CYP4V2: variants seen among roughly 807,000 people sequenced by gnomAD.
CYP4V2 encodes the protein cytochrome P450 family 4 subfamily V member 2, also known as cytochrome P450 4V2.
Under a neutral mutation model 60.8 loss-of-function variants are expected in CYP4V2, and 55 were observed. That is an observed-to-expected ratio of 0.90 (90% confidence interval 0.73 to 1.13). CYP4V2 has a LOEUF of 1.13. Ranked by LOEUF, CYP4V2 falls within the 50% of genes most tolerant of loss-of-function variation. The probability of loss-of-function intolerance (pLI) is 0.00; values close to 1 mark genes in which losing one functional copy is unlikely to be tolerated. For missense variants in CYP4V2, 675 were observed against 662.9 expected (o/e 1.02, Z -0.20); for synonymous variants, 239 against 236.8 (o/e 1.01, Z -0.08).
At chr4:186,204,893 T>C in intron 7 of CYP4V2, 1 of 425,120 alleles carries the variant, frequency 2.4e-6, no homozygotes, top group Non-Finnish European at 4.4e-6. Context: ...CAGACTTTGT[T>C]CTGTTCACAA....
Position 186,191,860 on chromosome 4 carries a change from C to T in CYP4V2, c.37C>T (p.Leu13=), listed in dbSNP as rs765537555. The change falls in exon 1 of 11, where the codon CTG becomes TTG. Residue 13 remains leucine, a synonymous_variant. Transcript: ENST00000378802. ...CTGGCTGGGGCTCGTGTGGCAGAAG[C>T]TGCTGCTGTGGGGCGCGGCGAGTGC... ...GLWLGLVWQK[L]LLWGAASALS... 1.9e-6 allele frequency: 3 copies of T among 1,583,418 alleles called. No individual in the cohort carries two copies. The highest frequency in any genetic ancestry group is 1.1e-5 in the South Asian group (1 of 87,942).
chr4:186,205,127 AAG>A, intron 7 of CYP4V2, 71 bp from the exon 8 acceptor site: 1 of 1,386,130 alleles, frequency 7.2e-7, no homozygotes, highest in Non-Finnish European at 1.0e-6. Flanking sequence ...GACAATTCAA[AAG>A]AGGTTTCTGG....
chr4:186,199,037 G>A lies in CYP4V2; in HGVS notation c.755G>A (p.Trp252Ter). The A allele has an allele frequency of 6.2e-7, 1 of 1,614,062 alleles. No individual in the cohort carries two copies. Among genetic ancestry groups the A allele is most frequent in the African/African-American group, 1.3e-5 (1 of 75,042 alleles). Residue 252 changes from tryptophan to a stop codon, truncating the protein, a stop_gained, in exon 6 of 11, where the codon TGG (tryptophan) becomes TAG (stop). Coordinates refer to ENST00000378802, the MANE Select transcript of CYP4V2 (RefSeq NM_207352.4). LOFTEE classifies it high-confidence loss of function. ...TGGTACCTTATGTTTAAAGAAGGAT[G>A]GGAACACAAAAAGAGCCTTCAGATC... ...DLWYLMFKEG[W>*]EHKKSLQILH...
intron 8 of CYP4V2, among the ~76,000 whole-genome samples, chr4:186,206,515 G>T (rs1262560557): frequency 6.6e-6 from 1 of 152,140 alleles, no homozygotes; most frequent in East Asian, 1.9e-4. Flanking sequence ...GAATAAAGTT[G>T]AGTTAGCCAA....
At chr4:186,197,874 A>C (rs1210743125) in intron 5 of CYP4V2, among the ~76,000 whole-genome samples, 1 of 152,220 alleles carries the variant, frequency 6.6e-6, no homozygotes, top group East Asian at 1.9e-4. Context: ...TGCTGAGAAA[A>C]GAAAGATATA....
chr4:186,193,891 A>G (rs913655630), intron 1 of CYP4V2, among the ~76,000 whole-genome samples: 1 of 152,170 alleles, frequency 6.6e-6, no homozygotes, highest in Non-Finnish European at 1.5e-5. Flanking sequence ...CTAAACTCTA[A>G]TCTAGCATTT....
Position 186,191,688 on chromosome 4 carries a change from A to C in CYP4V2, c.-136A>C. 3 of 802,538 alleles carry C rather than the reference A, an allele frequency of 3.7e-6. No homozygotes were observed. Among genetic ancestry groups the C allele is most frequent in the Admixed American group, 4.5e-5 (1 of 22,068 alleles). 49.7% of individuals were successfully genotyped at this position (802,538 alleles called of 1,614,324 possible). A position where few individuals can be genotyped will look rare whatever the true frequency, so the allele number is the denominator to read the frequency against. On this transcript the variant is annotated 5_prime_UTR_variant, in exon 1 of 11. Coordinates refer to ENST00000378802, the MANE Select transcript of CYP4V2 (RefSeq NM_207352.4). Reference sequence around the variant, plus strand: ...CCGGGCGGGAAACGTCGTTCCGGGGACCGGGCGACCCCGCAGCGGGGAGCG... The same window carrying C: ...CCGGGCGGGAAACGTCGTTCCGGGGCCCGGGCGACCCCGCAGCGGGGAGCG...
At chr4:186,198,808 G>C (rs1244007288) in intron 5 of CYP4V2, 149 bp from the exon 6 acceptor site, 2 of 1,195,906 alleles carry the variant, frequency 1.7e-6, no homozygotes, top group African/African-American at 3.0e-5. Context: ...TGCCTTCACT[G>C]CTAAGCATAA....
intron 8 of CYP4V2, 106 bp downstream of exon 8, chr4:186,205,408 T>G: frequency 1.8e-6 from 2 of 1,094,444 alleles, no homozygotes; most frequent in Non-Finnish European, 2.8e-6. Context: ...CCCCACGGGA[T>G]CCTTTCCAGT....
intron 8 of CYP4V2, among the ~76,000 whole-genome samples, chr4:186,207,601 G>A (rs1032435381): frequency 1.4e-5 from 2 of 147,924 alleles, no homozygotes; most frequent in Non-Finnish European, 3.0e-5. Flanking sequence ...TACTTTGCAA[G>A]TATTAATTCC....
intron 1 of CYP4V2, among the ~76,000 whole-genome samples, chr4:186,192,758 G>A (rs1005483492): frequency 6.6e-6 from 1 of 152,170 alleles, no homozygotes; most frequent in Non-Finnish European, 1.5e-5. Flanking sequence ...GTCAGGGAGG[G>A]CGAACTCGAT....
In CYP4V2 at chr4:186,210,855, A is replaced by G; in HGVS notation, c.*214A>G. The G allele has an allele frequency of 1.9e-6, 1 of 534,562 alleles. No individual in the cohort carries two copies. Among genetic ancestry groups the G allele is most frequent in the South Asian group, 2.1e-5 (1 of 47,192 alleles). The allele number at this position is 534,562 out of a possible 1,614,324, so 33.1% of individuals were successfully genotyped here. A position where few individuals can be genotyped will look rare whatever the true frequency, so the allele number is the denominator to read the frequency against. On this transcript the variant is annotated 3_prime_UTR_variant, in exon 11 of 11. Coordinates refer to ENST00000378802, the MANE Select transcript of CYP4V2 (RefSeq NM_207352.4). ...TTTTTCTTTATTTTTTTTTTTTGAA[A>G]CCGTGTCTCACTCTGTCGCCCAGGC...
intron 10 of CYP4V2, 135 bp from the exon 11 acceptor site, chr4:186,210,334 G>A: frequency 9.2e-7 from 1 of 1,081,190 alleles, no homozygotes; most frequent in Non-Finnish European, 1.4e-6. Flanking sequence ...TTTAACAGGT[G>A]TTCCAAGCCA....
rs1330165642 is a variant in CYP4V2 at position 186,207,576 on chromosome 4, ATAAT to A, written c.1091-1284_1091-1281del. On this transcript the variant is annotated intron_variant, in intron 8 of 10. Coordinates refer to ENST00000378802, the MANE Select transcript of CYP4V2 (RefSeq NM_207352.4). ...ATATTAAAATATATAAAAATATTAAATAATTAATAATTAATACTTTGCAAGTATT... is the reference window on the plus strand; with the variant it reads ...ATATTAAAATATATAAAAATATTAAATAATAATTAATACTTTGCAAGTATT... 1.8e-4 allele frequency among the ~76,000 whole-genome samples: 22 copies of A among 122,850 alleles called. No homozygotes were observed. The East Asian group carries it at 2.7e-3, about 15-fold the overall frequency. 80.6% of individuals were successfully genotyped at this position (122,850 alleles called of 152,430 possible).
intron 5 of CYP4V2, 87 bp from the exon 6 acceptor site, chr4:186,198,870 G>A (rs1010979245): frequency 1.9e-5 from 30 of 1,597,674 alleles, no homozygotes; most frequent in Non-Finnish European, 2.3e-5. Context: ...TCCCACGATT[G>A]CCTTCATCAA....
intron 6 of CYP4V2, among the ~76,000 whole-genome samples, chr4:186,200,313 A>G (rs1412090711): frequency 1.3e-5 from 2 of 152,200 alleles, no homozygotes; most frequent in Non-Finnish European, 2.9e-5. Flanking sequence ...TGAAATGTAC[A>G]ACCAAATTAA....
chr4:186,206,257 C>T (rs1296716922), intron 8 of CYP4V2, among the ~76,000 whole-genome samples: 2 of 152,124 alleles, frequency 1.3e-5, no homozygotes, highest in Non-Finnish European at 2.9e-5. Context: ...CTTTCACAAG[C>T]ATACTTGTGA....
chr4:186,197,242 T>TAGCC lies in CYP4V2; in HGVS notation c.604+112_604+113insAGCC, dbSNP rs1020701260. 3.0e-6 allele frequency: 4 copies of TAGCC among 1,337,208 alleles called. No homozygotes were observed. In the Admixed American group the frequency reaches 6.9e-5, roughly 23 times the overall value. The allele number at this position is 1,337,208 out of a possible 1,614,324, so 82.8% of individuals were successfully genotyped here. On this transcript the variant is annotated intron_variant, in intron 4 of 10. Transcript: ENST00000378802. ...GGGGGGACGGGAAAGGGTGACGGGC[T>TAGCC]CTTCAGCGCGGTTCTACGACCGCAC...
In CYP4V2 at chr4:186,212,355, G is replaced by A. The variant is rs1736750326; in HGVS notation, c.*1714G>A. Reference sequence around the variant, plus strand: ...ACCCAGTAATATCTCACTTAGTTTAGGGTTAGATCTTTAGTTAATTCAACC... The same window carrying A: ...ACCCAGTAATATCTCACTTAGTTTAAGGTTAGATCTTTAGTTAATTCAACC... On this transcript the variant is annotated 3_prime_UTR_variant, in exon 11 of 11. Coordinates refer to ENST00000378802, the MANE Select transcript of CYP4V2 (RefSeq NM_207352.4). 1.3e-5 allele frequency: 2 copies of A among 152,066 alleles called. No individual in the cohort carries two copies. The highest frequency in any genetic ancestry group is 1.9e-4 in the East Asian group (1 of 5,200). 9.4% of individuals were successfully genotyped at this position (152,066 alleles called of 1,614,324 possible).
Sources: allele counts gnomAD v4.1 joint callset (sites outside exome capture counted in the v4.1 genomes callset), GRCh38; gene constraint gnomAD v4.1.1; transcripts MANE v1.5; gene names NCBI Gene and HGNC (gene_info 2026-07-23, HGNC 2026-07-21).